DNAH9: variants seen among roughly 807,000 people sequenced by gnomAD.
DNAH9 encodes DNAH9 variant protein.
DNAH9 carries 345 observed loss-of-function variants against 471.6 expected under a neutral mutation model. That is an observed-to-expected ratio of 0.73 (90% CI 0.67 to 0.80). The LOEUF is 0.80. Ranked by LOEUF, DNAH9 falls within the 30% of genes least tolerant of loss-of-function variation. DNAH9 has a pLI of 0.00. For missense variants in DNAH9, 5,407 were observed against 5,609.2 expected (o/e 0.96, Z 1.15); for synonymous variants, 2,093 against 2,123.6 (o/e 0.99, Z 0.40).
chr17:11,706,757 C>T (rs2074709468), intron 26 of DNAH9, among the ~76,000 whole-genome samples: 1 of 152,162 alleles, frequency 6.6e-6, no homozygotes, highest in Non-Finnish European at 1.5e-5. Context: ...AGAGGATATA[C>T]AGCATTCATT....
At chr17:11,778,329 C>CAAAAAAAAA (rs57983162) in intron 38 of DNAH9, among the ~76,000 whole-genome samples, 34 of 48,634 alleles carry the variant, frequency 7.0e-4, no homozygotes, top group South Asian at 1.2e-3. Context: ...GACTCCATCT[C>CAAAAAAAAA]AAAAAAAAAA....
At chr17:11,607,817 G>C (rs756867255) in intron 1 of DNAH9, among the ~76,000 whole-genome samples, 1 of 152,104 alleles carries the variant, frequency 6.6e-6, no homozygotes, top group South Asian at 2.1e-4. Context: ...TGATCCACCT[G>C]CCTCAGCCTC....
At chr17:11,646,540 A>G (rs1434492609) in intron 11 of DNAH9, among the ~76,000 whole-genome samples, 1 of 152,156 alleles carries the variant, frequency 6.6e-6, no homozygotes, top group African/African-American at 2.4e-5. Context: ...ACTGAGACTA[A>G]TCACAACTTC....
chr17:11,795,353 T>C (rs1157932048), intron 42 of DNAH9, among the ~76,000 whole-genome samples: 1 of 152,190 alleles, frequency 6.6e-6, no homozygotes. Context: ...ACATACTGCT[T>C]GTCTGTTCCC....
At chr17:11,831,829 G>T (rs1970695325) in intron 48 of DNAH9, among the ~76,000 whole-genome samples, 1 of 152,044 alleles carries the variant, frequency 6.6e-6, no homozygotes, top group Non-Finnish European at 1.5e-5. Flanking sequence ...AAGAAGGGAT[G>T]GTCACCCACC....
chr17:11,768,082 G>A (rs1968042078), intron 36 of DNAH9, among the ~76,000 whole-genome samples: 1 of 152,150 alleles, frequency 6.6e-6, no homozygotes, highest in African/African-American at 2.4e-5. Flanking sequence ...CCTGGGAACT[G>A]CAGAGAATCT....
At chr17:11,905,590 C>A in intron 60 of DNAH9, 71 bp from the exon 61 acceptor site, 2 of 1,520,366 alleles carry the variant, frequency 1.3e-6, no homozygotes, top group East Asian at 4.5e-5. Context: ...CTATAGGCCT[C>A]TATTTCTCAA....
chr17:11,785,528 G>A (rs1429679471), intron 41 of DNAH9, among the ~76,000 whole-genome samples: 2 of 152,088 alleles, frequency 1.3e-5, no homozygotes, highest in Admixed American at 1.3e-4. Flanking sequence ...ATTGTAAGAA[G>A]CAGAAACCTA....
chr17:11,642,003 G>A (rs2073282944), intron 10 of DNAH9, among the ~76,000 whole-genome samples: 1 of 152,150 alleles, frequency 6.6e-6, no homozygotes, highest in Non-Finnish European at 1.5e-5. Flanking sequence ...CTTTCCTGGG[G>A]AGGGGCGTGA....
At chr17:11,796,679 C>T (rs149783325) in intron 42 of DNAH9, among the ~76,000 whole-genome samples, 21 of 152,258 alleles carry the variant, frequency 1.4e-4, no homozygotes, top group South Asian at 8.3e-4. Context: ...ACGACAGGTG[C>T]GGACAACTGC....
At chr17:11,757,845 A>G (rs566982342) in intron 35 of DNAH9, among the ~76,000 whole-genome samples, 153 bp downstream of exon 35, 2 of 152,216 alleles carry the variant, frequency 1.3e-5, no homozygotes, top group East Asian at 1.9e-4. Flanking sequence ...AAGGGGACAC[A>G]CATTAGGATG....
At chr17:11,967,267 G>T (rs1028736364) in intron 68 of DNAH9, among the ~76,000 whole-genome samples, 1 of 151,552 alleles carries the variant, frequency 6.6e-6, no homozygotes, top group African/African-American at 2.4e-5. Context: ...CACCATGCCC[G>T]GCTAACTTTT....
chr17:11,707,998 CACACACACACACACACAGAGAG>C (rs1567736865), intron 26 of DNAH9, among the ~76,000 whole-genome samples: 22 of 60,486 alleles, frequency 3.6e-4, no homozygotes, highest in East Asian at 1.8e-3. Flanking sequence ...CACACACACA[CACACACACACACACACAGAGAG>C]AGAGAGAGAG....
intron 43 of DNAH9, among the ~76,000 whole-genome samples, chr17:11,798,169 C>T (rs1485571087): frequency 1.3e-5 from 2 of 152,260 alleles, no homozygotes; most frequent in Middle Eastern, 3.4e-3. Context: ...CAGGATGACT[C>T]ATGCCTGTAA....
At chr17:11,813,360 A>C (rs1969989844) in intron 45 of DNAH9, among the ~76,000 whole-genome samples, 1 of 152,156 alleles carries the variant, frequency 6.6e-6, no homozygotes, top group South Asian at 2.1e-4. Context: ...GAATTAGAGT[A>C]TATCTTGGTT....
At chr17:11,761,184 TCACACAGTC>T (rs1350213765) in intron 35 of DNAH9, among the ~76,000 whole-genome samples, 4 of 49,088 alleles carry the variant, frequency 8.1e-5, no homozygotes, top group East Asian at 8.3e-4. Context: ...TCACTTCTAG[TCACACAGTC>T]ATACATACAC....
chr17:11,704,300 A>G lies in DNAH9; in HGVS notation c.5249A>G (p.Tyr1750Cys). ...EGYESAMKDY[Y>C]KKQVAQLKTL... ...TATGAGAGTGCCATGAAGGACTATT[A>G]TAAGAAGCAAGTGGCCCAGCTCAAA... Residue 1750 changes from tyrosine to cysteine, a missense_variant, in exon 25 of 69, where the codon TAT (tyrosine) becomes TGT (cysteine). By Grantham distance (194) the Tyr-to-Cys change is radical. Around this residue, in one of 3 missense-constraint regions of DNAH9, gnomAD observed 4,636 missense variants for 4,900.3 expected, o/e 0.95. Coordinates refer to ENST00000262442, the MANE Select transcript of DNAH9 (RefSeq NM_001372.4). 14 of 1,614,188 alleles carry G rather than the reference A, an allele frequency of 8.7e-6. No individual in the cohort carries two copies. Among genetic ancestry groups the G allele is most frequent in the Non-Finnish European group, 1.2e-5 (14 of 1,180,024 alleles).
At chr17:11,873,560 T>G (rs997190233) in intron 52 of DNAH9, 4 of 152,270 alleles carry the variant, frequency 2.6e-5, no homozygotes, top group African/African-American at 9.6e-5. Flanking sequence ...CAGAACAAAC[T>G]TCAGAGAGGA....
intron 38 of DNAH9, among the ~76,000 whole-genome samples, chr17:11,772,047 T>C (rs1398541265): frequency 2.0e-5 from 3 of 152,198 alleles, no homozygotes; most frequent in Admixed American, 6.5e-5. Flanking sequence ...TCAGAGCCTG[T>C]GCTCTTAACC....
Sources: allele counts gnomAD v4.1 joint callset (sites outside exome capture counted in the v4.1 genomes callset), GRCh38; gene constraint gnomAD v4.1.1; regional missense constraint gnomAD v4.1.1; transcripts MANE v1.5; gene names NCBI Gene and HGNC (gene_info 2026-07-23, HGNC 2026-07-21).